SMIM14: variants seen among roughly 807,000 people sequenced by gnomAD.
SMIM14 encodes the protein chromosome 4 open reading frame 34.
A neutral mutation model predicts 12.6 loss-of-function variants in SMIM14; 5 were observed. The ratio of observed to expected loss-of-function variants is 0.40; its 90% CI spans 0.21 to 0.83. The LOEUF (loss-of-function observed/expected upper bound fraction) is 0.83, where lower values mean the gene tolerates loss of function less well. Ranked by LOEUF, SMIM14 falls within the 40% of genes least tolerant of loss-of-function variation. The pLI is 0.37. For synonymous variants in SMIM14, 30 were observed against 40.1 expected (o/e 0.75, Z 0.95); for missense variants, 86 against 119.1 (o/e 0.72, Z 1.29).
chr4:39,559,064 T>A (rs1484381727), intron 3 of SMIM14, among the ~76,000 whole-genome samples: 1 of 152,192 alleles, frequency 6.6e-6, no homozygotes, highest in East Asian at 1.9e-4. Context: ...CCACTTGGAC[T>A]CCCCTCTCTG....
At chr4:39,587,879 T>A (rs1578336312) in intron 2 of SMIM14, 1 of 152,290 alleles carries the variant, frequency 6.6e-6, no homozygotes, top group Non-Finnish European at 1.5e-5. Context: ...AAAGGTGTTA[T>A]GACTTCTTAC....
In SMIM14 at chr4:39,547,831, T is replaced by C. The variant is rs1056219307; in HGVS notation, c.*4295A>G. ...TGTATTCAATAATTATTTTGGAAAA[T>C]CCACATTATGAAATATGACTTGCTG... On this transcript the variant is annotated 3_prime_UTR_variant, in exon 5 of 5. Coordinates refer to ENST00000295958, the MANE Select transcript of SMIM14 (RefSeq NM_174921.3). The C allele has an allele frequency of 6.6e-6, 1 of 151,862 alleles. No individual in the cohort carries two copies. Among genetic ancestry groups the C allele is most frequent in the African/African-American group, 2.4e-5 (1 of 41,336 alleles). The allele number at this position is 151,862 out of a possible 1,614,324, so 9.4% of individuals were successfully genotyped here.
intron 1 of SMIM14, among the ~76,000 whole-genome samples, chr4:39,618,544 A>G (rs1004156309): frequency 2.7e-5 from 4 of 149,454 alleles, no homozygotes; most frequent in Non-Finnish European, 5.9e-5. Context: ...CCAGCTACTC[A>G]GGAGGCTGAG....
rs369057968 is a variant in SMIM14 at position 39,632,775 on chromosome 4, TCACACACACACACACACACA to T, written c.-36+5944_-36+5963del. Among the ~76,000 whole-genome samples, 660 of 115,090 alleles carry T rather than the reference TCACACACACACACACACACA, an allele frequency of 5.7e-3. 4 individuals are homozygous for T. The highest frequency in any genetic ancestry group is 0.021 in the South Asian group (62 of 2,972). 75.5% of individuals were successfully genotyped at this position (115,090 alleles called of 152,430 possible). ...CTTGGATGACAGAGTGAGACTCCCG[TCACACACACACACACACACA>T]CACACACACACACACACACACACAC... On this transcript the variant is annotated intron_variant, in intron 1 of 4. Coordinates refer to ENST00000295958, the MANE Select transcript of SMIM14 (RefSeq NM_174921.3).
intron 2 of SMIM14, among the ~76,000 whole-genome samples, chr4:39,595,397 A>C: frequency 9.5e-6 from 1 of 104,826 alleles, no homozygotes; most frequent in Non-Finnish European, 1.8e-5. Context: ...CACTCTGGGG[A>C]CTGTTGTGGG....
At chr4:39,601,530 C>CA (rs1714610924) in intron 2 of SMIM14, among the ~76,000 whole-genome samples, 1 of 152,126 alleles carries the variant, frequency 6.6e-6, no homozygotes, top group South Asian at 2.1e-4. Flanking sequence ...TAACTAACGG[C>CA]AAAAAATTAT....
intron 2 of SMIM14, among the ~76,000 whole-genome samples, chr4:39,576,430 C>T (rs1221996397): frequency 6.6e-6 from 1 of 151,024 alleles, no homozygotes; most frequent in Non-Finnish European, 1.5e-5. Context: ...ACTAGGAGGT[C>T]CCTAGGTGAC....
intron 1 of SMIM14, among the ~76,000 whole-genome samples, chr4:39,611,097 AC>A (rs1277722410): frequency 2.0e-5 from 3 of 152,356 alleles, no homozygotes; most frequent in Admixed American, 2.0e-4. Flanking sequence ...GAAAATGGCA[AC>A]CTAGAAGAAA....
At chr4:39,621,547 C>T (rs1444890358) in intron 1 of SMIM14, among the ~76,000 whole-genome samples, 1 of 152,006 alleles carries the variant, frequency 6.6e-6, no homozygotes, top group Non-Finnish European at 1.5e-5. Context: ...GGAAAATAAT[C>T]TGAAATACAA....
At chr4:39,604,856 C>G (rs1578351060) in intron 2 of SMIM14, among the ~76,000 whole-genome samples, 2 of 152,214 alleles carry the variant, frequency 1.3e-5, no homozygotes, top group South Asian at 4.1e-4. Context: ...AGTGATCCGC[C>G]CACCTTGGCC....
chr4:39,606,317 G>A (rs1204720093), intron 1 of SMIM14, among the ~76,000 whole-genome samples: 1 of 150,252 alleles, frequency 6.7e-6, no homozygotes, highest in African/African-American at 2.5e-5. Context: ...CTGCATTCCA[G>A]CCTGGGCAAC....
At chr4:39,589,908 C>T (rs375512154) in intron 2 of SMIM14, among the ~76,000 whole-genome samples, 20 of 149,452 alleles carry the variant, frequency 1.3e-4, no homozygotes, top group African/African-American at 2.9e-4. Flanking sequence ...GGTGTGGTGG[C>T]GTGCACCTGT....
chr4:39,602,333 G>A (rs1000902702), intron 2 of SMIM14, among the ~76,000 whole-genome samples: 3 of 151,872 alleles, frequency 2.0e-5, no homozygotes, highest in Non-Finnish European at 2.9e-5. Flanking sequence ...AGTGGCTCAC[G>A]CCTGTAATCC....
At chr4:39,608,894 G>C (rs1283737940) in intron 1 of SMIM14, among the ~76,000 whole-genome samples, 1 of 152,106 alleles carries the variant, frequency 6.6e-6, no homozygotes, top group Non-Finnish European at 1.5e-5. Flanking sequence ...GGATCTTTCA[G>C]GGGGGCTGAA....
chr4:39,609,811 A>T (rs543542521), intron 1 of SMIM14, among the ~76,000 whole-genome samples: 58 of 152,360 alleles, frequency 3.8e-4, no homozygotes, highest in African/African-American at 1.4e-3. Flanking sequence ...CAGTAGGTAG[A>T]GGGAACCTAG....
intron 4 of SMIM14, 35 bp from the exon 5 acceptor site, chr4:39,552,193 T>C: frequency 2.6e-6 from 4 of 1,517,206 alleles, no homozygotes; most frequent in Non-Finnish European, 3.5e-6. Flanking sequence ...TTTAATTGAC[T>C]TTTTAAAAAT....
intron 2 of SMIM14, chr4:39,583,995 T>C (rs919967160): frequency 3.2e-4 from 48 of 152,106 alleles, no homozygotes; most frequent in African/African-American, 1.1e-3. Context: ...TAAGTTTTGA[T>C]ACACATAGCC....
chr4:39,571,193 C>T (rs1402736692), intron 3 of SMIM14, among the ~76,000 whole-genome samples: 2 of 152,114 alleles, frequency 1.3e-5, no homozygotes, highest in African/African-American at 2.4e-5. Flanking sequence ...GCCAAATTCT[C>T]TGATGCGCAT....
At chr4:39,588,986 C>T (rs1713923001) in intron 2 of SMIM14, among the ~76,000 whole-genome samples, 1 of 152,122 alleles carries the variant, frequency 6.6e-6, no homozygotes, top group Admixed American at 6.6e-5. Context: ...TATTTAAGTA[C>T]AGTAGACATC....
Sources: allele counts gnomAD v4.1 joint callset (sites outside exome capture counted in the v4.1 genomes callset), GRCh38; gene constraint gnomAD v4.1.1; transcripts MANE v1.5; gene names NCBI Gene and HGNC (gene_info 2026-07-23, HGNC 2026-07-21).